Variants in RASAL1 observed in about 807,000 individuals in gnomAD.
RASAL1 encodes rasGAP-activating-like protein 1.
RASAL1 carries 72 observed loss-of-function variants against 96.6 expected under a neutral mutation model. The ratio of observed to expected loss-of-function variants is 0.75; its 90% CI spans 0.62 to 0.91. The LOEUF (loss-of-function observed/expected upper bound fraction) is 0.91. RASAL1 is among the 40% of genes least tolerant of loss of function. The pLI is 0.00. For synonymous variants in RASAL1, 405 were observed against 430.4 expected (o/e 0.94, Z 0.73); for missense variants, 1,016 against 1,072.5 (o/e 0.95, Z 0.74).
At position 113,121,538 on chromosome 12, in the gene RASAL1, G is replaced by A. The variant is rs1004349952; in HGVS notation, c.399C>T (p.Arg133=). The A allele has an allele frequency of 6.2e-7, 1 of 1,614,058 alleles. No individual in the cohort carries two copies. Among genetic ancestry groups the A allele is most frequent in the African/African-American group, 1.3e-5 (1 of 74,926 alleles). ...SVQMLEDGQG[R]CLRCHVLQAR... ...CCTGAAGCACATGGCAGCGAAGGCA[G>A]CGGCCCTGCCCATCCTCCAGCATCT... is the stretch of plus-strand genomic sequence containing the variant. The change falls in exon 5 of 21, where the codon CGC becomes CGT. Residue 133 remains arginine (R), a synonymous_variant. Transcript: ENST00000548055.
chr12:113,125,477 G>C (rs965027936), intron 4 of RASAL1, among the ~76,000 whole-genome samples: 1 of 152,160 alleles, frequency 6.6e-6, no homozygotes, highest in Non-Finnish European at 1.5e-5. Flanking sequence ...AGAAAATAAA[G>C]TGATTCTTCA....
chr12:113,102,134 G>A, intron 18 of RASAL1, 125 bp from the exon 19 acceptor site: 1 of 1,185,026 alleles, frequency 8.4e-7, no homozygotes, highest in Non-Finnish European at 1.2e-6. Context: ...ACTACTTCTA[G>A]GCCACACACG....
chr12:113,122,845 A>T (rs961661715), intron 4 of RASAL1, among the ~76,000 whole-genome samples: 2 of 152,270 alleles, frequency 1.3e-5, no homozygotes, highest in Non-Finnish European at 2.9e-5. Context: ...CCTGTCTCTA[A>T]TTTTTAAAAT....
At chr12:113,131,664 T>TC (rs1352932514) in intron 1 of RASAL1, among the ~76,000 whole-genome samples, 29 of 152,006 alleles carry the variant, frequency 1.9e-4, no homozygotes, top group African/African-American at 6.3e-4. Context: ...GCCAGCTGCA[T>TC]CCCCCCTTCA....
intron 4 of RASAL1, among the ~76,000 whole-genome samples, chr12:113,122,654 T>C (rs1406803876): frequency 6.6e-6 from 1 of 151,924 alleles, no homozygotes; most frequent in Non-Finnish European, 1.5e-5. Flanking sequence ...CTAAGGACTA[T>C]GTCTCTGATG....
chr12:113,125,828 G>A (rs1951460354), intron 4 of RASAL1, among the ~76,000 whole-genome samples: 1 of 152,176 alleles, frequency 6.6e-6, no homozygotes, highest in Non-Finnish European at 1.5e-5. Flanking sequence ...GCTTGAACCA[G>A]GGAAAGACTA....
intron 5 of RASAL1, among the ~76,000 whole-genome samples, chr12:113,120,497 T>C (rs548589242): frequency 2.0e-5 from 3 of 152,208 alleles, no homozygotes; most frequent in South Asian, 2.1e-4. Context: ...AAGGGCTTTA[T>C]GGTCACACAG....
chr12:113,130,279 G>A lies in RASAL1; in HGVS notation c.122+606C>T, dbSNP rs1277279385. On this transcript the variant is annotated intron_variant, in intron 2 of 20. Transcript: ENST00000548055. This position sits in a 1 kb window ranked among gnomAD's most constrained non-coding sequence, Gnocchi z 5.1. Reference sequence around the variant, plus strand: ...CCCAAACATCCTCACACCTTCACATGTGTCCACACCGGTGCCTTTGTGACC... The same window carrying A: ...CCCAAACATCCTCACACCTTCACATATGTCCACACCGGTGCCTTTGTGACC... 6.6e-6 allele frequency among the ~76,000 whole-genome samples: 1 copy of A among 152,176 alleles called. No homozygotes were observed. The highest frequency in any genetic ancestry group is 1.5e-5 in the Non-Finnish European group (1 of 68,014).
In RASAL1 at chr12:113,115,593, C is replaced by A. The variant is rs747559352; in HGVS notation, c.1003+42G>T. On this transcript the variant is annotated intron_variant, in intron 10 of 20. Transcript: ENST00000548055. The surrounding 1 kb of genome is among the most constrained non-coding windows in gnomAD (Gnocchi z 4.1). ...CCCCCAGGACCCTCCTGCAAGCCCA[C>A]CATTGAGGGCGGTGATGTCGGGGGT... 6.2e-7 allele frequency: 1 copy of A among 1,602,756 alleles called. No individual in the cohort carries two copies. Among genetic ancestry groups the A allele is most frequent in the Non-Finnish European group, 8.5e-7 (1 of 1,174,426 alleles).
In RASAL1 at chr12:113,114,823, G is replaced by T; in HGVS notation, c.1158C>A (p.Cys386Ter). Reference sequence around the variant, plus strand: ...ACCGGGTGCGGCCCAGGTCCATCTTGCAGGGATCCAGCTCCATGTACTTCT... The same window carrying T: ...ACCGGGTGCGGCCCAGGTCCATCTTTCAGGGATCCAGCTCCATGTACTTCT... ...EEKKYMELDPCKMDLGRTRRI... is the reference protein window; with the variant it reads ...EEKKYMELDP The change falls in exon 12 of 21, where the codon TGC becomes TGA. Residue 386 changes from cysteine (C) to a stop codon, truncating the protein, a stop_gained. Transcript: ENST00000548055. LOFTEE classifies it high-confidence loss of function. The T allele has an allele frequency of 6.2e-7, 1 of 1,614,066 alleles. No individual in the cohort carries two copies. The highest frequency in any genetic ancestry group is 1.7e-5 in the Admixed American group (1 of 60,018).
rs1950717293 is a variant in RASAL1, at chr12:113,108,158, G to T, written c.1439C>A (p.Thr480Asn). ...GTCCCGAAGGTCAAACAGCTTTGGGGTAAGGATGGCAGGTGCGAAGAATCG... is the reference window on the plus strand; with the variant it reads ...GTCCCGAAGGTCAAACAGCTTTGGGTTAAGGATGGCAGGTGCGAAGAATCG... ...FLRFFAPAIL[T>N]PKLFDLRDQH... The change falls in exon 14 of 21, where the codon ACC (threonine) becomes AAC (asparagine). Residue 480 changes from threonine (T) to asparagine (N), a missense_variant. Thr to Asn is a moderately conservative substitution (Grantham distance 65). Transcript: ENST00000548055. 2 of 1,613,772 alleles carry T rather than the reference G, an allele frequency of 1.2e-6. No homozygotes were observed. The highest frequency in any genetic ancestry group is 2.2e-5 in the South Asian group (2 of 90,998).
chr12:113,119,181 G>T lies in RASAL1; in HGVS notation c.589C>A (p.Arg197=). 1 of 1,613,898 alleles carries T rather than the reference G, an allele frequency of 6.2e-7. No homozygotes were observed. Among genetic ancestry groups the T allele is most frequent in the South Asian group, 1.1e-5 (1 of 91,044 alleles). Residue 197 remains arginine (R), a synonymous_variant, in exon 7 of 21, where the codon CGG becomes AGG. Coordinates refer to ENST00000548055, the MANE Select transcript of RASAL1 (RefSeq NM_001301202.2). ...ATGTCCCAGTCCCAGAGCTCCACCC[G>T]CAGTGGGGACGGGGCACCTGGCATC... ...REMPGAPSPL[R]VELWDWDMVG...
rs181561492 is a variant in RASAL1 at position 113,126,299 on chromosome 12, T to G, written c.298+1513A>C. ...GACTCCGTCTCAAAAATAAATAAATTAATTAATTAAAAAAATTTTAAAGGC... is the reference window on the plus strand; with the variant it reads ...GACTCCGTCTCAAAAATAAATAAATGAATTAATTAAAAAAATTTTAAAGGC... On this transcript the variant is annotated intron_variant, in intron 4 of 20. Coordinates refer to ENST00000548055, the MANE Select transcript of RASAL1 (RefSeq NM_001301202.2). Among the ~76,000 whole-genome samples the G allele has an allele frequency of 6.8e-3, 1,026 of 151,878 alleles. 4 individuals are homozygous for G. The highest frequency in any genetic ancestry group is 0.01 in the Middle Eastern group (3 of 294).
rs1950620679 is a variant in RASAL1 at position 113,105,723 on chromosome 12, A to C, written c.1821T>G (p.Pro607=). 2.5e-6 allele frequency: 4 copies of C among 1,607,642 alleles called. No homozygotes were observed. Among genetic ancestry groups the C allele is most frequent in the African/African-American group, 2.7e-5 (2 of 74,758 alleles). Reference sequence around the variant, plus strand: ...TGGACTGGAACCCCACCTGCCACTCAGGACTCTTGGAGAAGGAGAGGGTCT... The same window carrying C: ...TGGACTGGAACCCCACCTGCCACTCCGGACTCTTGGAGAAGGAGAGGGTCT... ...SGETLSFSKS[P]EWQMCHSIPV... The change falls in exon 16 of 21, where the codon CCT becomes CCG. Residue 607 remains proline, a synonymous_variant. Transcript: ENST00000548055.
intron 4 of RASAL1, among the ~76,000 whole-genome samples, chr12:113,122,297 A>G (rs1951326132): frequency 1.3e-5 from 2 of 152,046 alleles, no homozygotes; most frequent in South Asian, 2.1e-4. Flanking sequence ...AATCTTGGAC[A>G]TTTCTCCCCT....
chr12:113,103,833 T>C (rs1408626041), intron 18 of RASAL1, 113 bp downstream of exon 18: 5 of 1,353,490 alleles, frequency 3.7e-6, no homozygotes, highest in Non-Finnish European at 5.1e-6. Flanking sequence ...GACTGAGGCA[T>C]AGAGAGGTTG....
chr12:113,101,928 G>A lies in RASAL1; in HGVS notation c.2186C>T (p.Thr729Ile). Residue 729 changes from threonine to isoleucine, a missense_variant, in exon 19 of 21, where the codon ACA becomes ATA. Physicochemically the swap from Thr to Ile is moderately conservative, Grantham distance 89. Coordinates refer to ENST00000548055, the MANE Select transcript of RASAL1 (RefSeq NM_001301202.2). The stretch of plus-strand genomic sequence containing the variant: ...CCCCAGGAGCAGCTGCCGATACACT[G>A]TCTGGGCCTCAGCATCAGGATCCAG... Reference protein sequence around the residue: ...DPLDPDAEAQTVYRQLLLGRD... With the variant: ...DPLDPDAEAQIVYRQLLLGRD... 1 of 1,614,132 alleles carries A rather than the reference G, an allele frequency of 6.2e-7. No homozygotes were observed. The highest frequency in any genetic ancestry group is 8.5e-7 in the Non-Finnish European group (1 of 1,180,012).
rs1050053171 is a variant in RASAL1, at chr12:113,112,145, G to A, written c.1315C>T (p.Leu439Phe). Residue 439 changes from leucine to phenylalanine, a missense_variant, in exon 13 of 21, where the codon CTC (leucine) becomes TTC (phenylalanine). Coordinates refer to ENST00000548055, the MANE Select transcript of RASAL1 (RefSeq NM_001301202.2). ...CGCCGGTGCAGCTGCTTGAAGGCGA[G>A]GCGCATGGCGGGCGGGCAGCGCCCC... ...SVGRCPPAMR[L>F]AFKQLHRRVE... 9 of 1,252,732 alleles carry A rather than the reference G, an allele frequency of 7.2e-6. No homozygotes were observed. Among genetic ancestry groups the A allele is most frequent in the Non-Finnish European group, 8.1e-6 (8 of 991,562 alleles). The allele number at this position is 1,252,732 out of a possible 1,614,324, so 77.6% of individuals were successfully genotyped here.
At chr12:113,125,228 C>T (rs1054311705) in intron 4 of RASAL1, among the ~76,000 whole-genome samples, 1 of 151,510 alleles carries the variant, frequency 6.6e-6, no homozygotes, top group African/African-American at 2.4e-5. Flanking sequence ...TTAGGTCTAA[C>T]AGAAAATTCA....
Sources: gnomAD v4.1 joint callset for allele counts (sites outside exome capture counted in the v4.1 genomes callset) on GRCh38, gnomAD v4.1.1 for gene constraint, Gnocchi (gnomAD v3.1) non-coding constraint, MANE v1.5 for transcripts, NCBI Gene and HGNC (gene_info 2026-07-23, HGNC 2026-07-21) for gene names.